POLA1: variants seen among roughly 807,000 people sequenced by gnomAD.
POLA1 encodes the protein DNA polymerase alpha catalytic subunit.
Under a neutral mutation model 124.0 loss-of-function variants are expected in POLA1, and 15 were observed. That is an observed-to-expected ratio of 0.12 (90% CI 0.08 to 0.19). The LOEUF (loss-of-function observed/expected upper bound fraction) is 0.19. Ranked by LOEUF, POLA1 falls within the 10% of genes least tolerant of loss-of-function variation. POLA1 has a pLI of 1.00. For missense variants in POLA1, 886 were observed against 1,103.4 expected (o/e 0.80, Z 2.79); for synonymous variants, 408 against 389.4 (o/e 1.05, Z -0.56).
intron 36 of POLA1, among the ~76,000 whole-genome samples, chrX:24,971,150 C>T (rs1483315864): frequency 8.9e-6 from 1 of 112,480 alleles, no homozygotes; most frequent in African/African-American, 3.2e-5. Flanking sequence ...GTCTTCTTCC[C>T]TGGTCACAAG....
intron 35 of POLA1, among the ~76,000 whole-genome samples, chrX:24,891,413 C>G (rs1204278320): frequency 9.0e-6 from 1 of 111,499 alleles, no homozygotes; most frequent in Non-Finnish European, 1.9e-5. Flanking sequence ...ACTCAGAACA[C>G]TCTTATGTAC....
intron 35 of POLA1, among the ~76,000 whole-genome samples, chrX:24,918,958 C>T (rs773282063): frequency 4.5e-5 from 5 of 111,694 alleles, no homozygotes; most frequent in Non-Finnish European, 9.4e-5. Context: ...GATCTACTGC[C>T]GTGATCAAAA....
intron 36 of POLA1, among the ~76,000 whole-genome samples, chrX:24,980,206 C>T (rs1317814860): frequency 8.9e-6 from 1 of 111,792 alleles, no homozygotes; most frequent in Non-Finnish European, 1.9e-5. Flanking sequence ...CAGGTGACGA[C>T]TATGCATTTT....
Position 24,879,982 on chromosome X carries a change from G to A in POLA1, c.4048-8024G>A, listed in dbSNP as rs764214759. ...ATGGGGGCTCTTTAATGTACCTCAG[G>A]TACATCTTCTGATGCTCAAGCTCTG... On this transcript the variant is annotated intron_variant, in intron 34 of 36. Transcript: ENST00000379068. Among the ~76,000 whole-genome samples the A allele has an allele frequency of 3.6e-5, 4 of 111,507 alleles. No individual in the cohort carries two copies. The South Asian group carries it at 1.5e-3, about 42-fold the overall frequency.
At chrX:24,899,367 CA>C (rs911347383) in intron 35 of POLA1, among the ~76,000 whole-genome samples, 2 of 111,427 alleles carry the variant, frequency 1.8e-5, no homozygotes, top group African/African-American at 3.3e-5. Flanking sequence ...TCAACAACCC[CA>C]AAAAAATTGC....
intron 12 of POLA1, 33 bp from the exon 13 acceptor site, chrX:24,725,948 C>T (rs777549281): frequency 1.1e-6 from 1 of 944,876 alleles, no homozygotes; most frequent in Admixed American, 2.5e-5. Flanking sequence ...AAGTTTTTGT[C>T]TTAAGGATTT....
intron 26 of POLA1, among the ~76,000 whole-genome samples, chrX:24,803,373 A>G (rs1277183898): frequency 9.0e-6 from 1 of 111,553 alleles, no homozygotes; most frequent in Admixed American, 9.5e-5. Context: ...ACATCCTGCA[A>G]TAGACACAGG....
At chrX:24,934,871 C>A (rs2047829071) in intron 36 of POLA1, among the ~76,000 whole-genome samples, 1 of 111,731 alleles carries the variant, frequency 9.0e-6, no homozygotes, top group East Asian at 2.8e-4. Flanking sequence ...TACAGGTGCA[C>A]GTCACCACGC....
At chrX:24,929,502 A>C (rs1383237101) in intron 35 of POLA1, among the ~76,000 whole-genome samples, 1 of 111,850 alleles carries the variant, frequency 8.9e-6, no homozygotes, top group East Asian at 2.8e-4. Flanking sequence ...TAGTTGTTTC[A>C]CCTTGGTAGG....
chrX:24,930,374 G>A (rs1251118285), intron 35 of POLA1, 79 bp from the exon 36 acceptor site: 2 of 654,109 alleles, frequency 3.1e-6, no homozygotes, highest in African/African-American at 4.4e-5. Context: ...GAAAGTAGGG[G>A]ATACACTCTG....
At chrX:24,765,614 T>G (rs942427004) in intron 26 of POLA1, among the ~76,000 whole-genome samples, 5 of 111,685 alleles carry the variant, frequency 4.5e-5, no homozygotes, top group Non-Finnish European at 9.4e-5. Context: ...ACCTTCTTGA[T>G]GAGACCTTTC....
At chrX:24,984,349 A>T (rs958353025) in intron 36 of POLA1, among the ~76,000 whole-genome samples, 1 of 112,153 alleles carries the variant, frequency 8.9e-6, no homozygotes, top group African/African-American at 3.2e-5. Context: ...AGAATCTGAG[A>T]TGTGCAATAC....
intron 36 of POLA1, among the ~76,000 whole-genome samples, chrX:24,978,162 A>G (rs2048385992): frequency 8.9e-6 from 1 of 112,070 alleles, no homozygotes; most frequent in African/African-American, 3.2e-5. Context: ...TGTGCCATCT[A>G]TAACCAGAAA....
chrX:24,724,746 G>T (rs1286456850), intron 12 of POLA1, among the ~76,000 whole-genome samples: 1 of 112,419 alleles, frequency 8.9e-6, no homozygotes, highest in Non-Finnish European at 1.9e-5. Context: ...ATTCCCAAGT[G>T]CAGAAGAAAC....
intron 36 of POLA1, among the ~76,000 whole-genome samples, chrX:24,979,389 G>A (rs982514804): frequency 1.5e-4 from 17 of 111,837 alleles, no homozygotes; most frequent in African/African-American, 5.5e-4. Context: ...TCACTGAGAT[G>A]GCCGACACAT....
intron 36 of POLA1, among the ~76,000 whole-genome samples, chrX:24,950,827 C>G (rs1384272744): frequency 8.9e-6 from 1 of 111,935 alleles, no homozygotes; most frequent in East Asian, 2.8e-4. Flanking sequence ...TTCTAAGATA[C>G]TAGCAGCTGT....
chrX:24,727,657 C>T, intron 14 of POLA1, 125 bp from the exon 15 acceptor site: 2 of 508,948 alleles, frequency 3.9e-6, no homozygotes, highest in Non-Finnish European at 3.2e-6. Flanking sequence ...TTAGATGTTA[C>T]AATATGTCAT....
rs112619461 is a variant in POLA1, at chrX:24,926,858, G to A, written c.4165-3595G>A. Among the ~76,000 whole-genome samples the A allele has an allele frequency of 7.3e-3, 797 of 108,556 alleles. 5 individuals are homozygous for A. Among genetic ancestry groups the A allele is most frequent in the African/African-American group, 0.025 (738 of 29,815 alleles). 94.3% of individuals were successfully genotyped at this position (108,556 alleles called of 115,157 possible). A position where few individuals can be genotyped will look rare whatever the true frequency, so the allele number is the denominator to read the frequency against. ...GTACTTTTTTTTTTTTTGAGATGGAGCCTCACTCTTTTGCCCAGGCTGGAG... is the reference window on the plus strand; with the variant it reads ...GTACTTTTTTTTTTTTTGAGATGGAACCTCACTCTTTTGCCCAGGCTGGAG... On this transcript the variant is annotated intron_variant, in intron 35 of 36. Coordinates refer to ENST00000379068, the MANE Select transcript of POLA1 (RefSeq NM_001330360.2).
intron 28 of POLA1, among the ~76,000 whole-genome samples, chrX:24,812,031 AT>A (rs771600088): frequency 8.9e-6 from 1 of 112,523 alleles, no homozygotes; most frequent in Non-Finnish European, 1.9e-5. Context: ...AATATGTGGA[AT>A]TTGAATGGTA....
Sources: gnomAD v4.1 joint callset for allele counts (sites outside exome capture counted in the v4.1 genomes callset) on GRCh38, gnomAD v4.1.1 for gene constraint, MANE v1.5 for transcripts, NCBI Gene and HGNC (gene_info 2026-07-23, HGNC 2026-07-21) for gene names.